Variants in IGF2BP3 observed in about 807,000 individuals in gnomAD.
IGF2BP3 encodes the protein insulin like growth factor 2 mRNA binding protein 3.
In IGF2BP3, 9 loss-of-function variants were observed where a neutral mutation model predicts 73.8. The ratio of observed to expected loss-of-function variants is 0.12; its 90% CI spans 0.07 to 0.21. IGF2BP3 has a LOEUF of 0.21. Among genes scored for constraint, IGF2BP3 ranks in the 10% least tolerant of loss-of-function variants. The pLI is 1.00. For missense variants in IGF2BP3, 542 were observed against 714.0 expected (o/e 0.76, Z 2.75); for synonymous variants, 258 against 256.7 (o/e 1.01, Z -0.05).
At chr7:23,459,363 T>C (rs796776766) in intron 2 of IGF2BP3, among the ~76,000 whole-genome samples, 5 of 152,358 alleles carry the variant, frequency 3.3e-5, no homozygotes, top group African/African-American at 1.2e-4. Context: ...AGATTTCTTC[T>C]ATTTCTTTTA....
At chr7:23,325,983 T>C (rs905418276) in intron 10 of IGF2BP3, among the ~76,000 whole-genome samples, 13 of 151,728 alleles carry the variant, frequency 8.6e-5, no homozygotes, top group Admixed American at 3.9e-4. Context: ...CCCTAGGCAT[T>C]ACCATTCAGG....
intron 11 of IGF2BP3, chr7:23,317,979 G>A (rs1383014735): frequency 2.0e-6 from 1 of 510,656 alleles, no homozygotes; most frequent in East Asian, 3.1e-5. Flanking sequence ...TGATGAAGTA[G>A]TATTACCTCC....
At chr7:23,452,844 T>C (rs867627842) in intron 2 of IGF2BP3, among the ~76,000 whole-genome samples, 33 of 148,320 alleles carry the variant, frequency 2.2e-4, no homozygotes, top group Non-Finnish European at 2.5e-4. Context: ...CTGGGCGCAG[T>C]GGCTCACACC....
In IGF2BP3 at chr7:23,313,760, T is replaced by TA. The variant is rs548951092; in HGVS notation, c.1396-108dup. The TA allele has an allele frequency of 1.1e-3, 1,065 of 974,856 alleles. 1 individual carries two copies. The highest frequency in any genetic ancestry group is 1.5e-3 in the Non-Finnish European group (1,003 of 661,988). The allele number at this position is 974,856 out of a possible 1,614,324, so 60.4% of individuals were successfully genotyped here. ...CAAGTGGGATAGCCCTTTGCAGTGA[T>TA]ACATCTACATTTCATAGATTGTTGA... On this transcript the variant is annotated intron_variant, in intron 12 of 14. Transcript: ENST00000258729.
At chr7:23,356,295 C>G (rs1785094430) in intron 5 of IGF2BP3, among the ~76,000 whole-genome samples, 1 of 152,100 alleles carries the variant, frequency 6.6e-6, no homozygotes, top group African/African-American at 2.4e-5. Flanking sequence ...CAGGAGCTCA[C>G]ACCTCTAATT....
chr7:23,449,079 C>T (rs578255698), intron 2 of IGF2BP3, among the ~76,000 whole-genome samples: 5 of 151,852 alleles, frequency 3.3e-5, no homozygotes, highest in African/African-American at 1.2e-4. Context: ...TAGAATTTGA[C>T]ATTTTTTCAT....
intron 2 of IGF2BP3, among the ~76,000 whole-genome samples, chr7:23,441,409 C>G (rs183281956): frequency 6.6e-6 from 1 of 151,846 alleles, no homozygotes; most frequent in Non-Finnish European, 1.5e-5. Flanking sequence ...CCCATCTCTA[C>G]TAAAAATACA....
intron 3 of IGF2BP3, among the ~76,000 whole-genome samples, chr7:23,397,517 T>C (rs1261645177): frequency 6.6e-6 from 1 of 152,168 alleles, no homozygotes; most frequent in African/African-American, 2.4e-5. Context: ...CCTTCTATCA[T>C]CTAACTAGCC....
At chr7:23,346,812 T>C (rs1022653460) in intron 7 of IGF2BP3, among the ~76,000 whole-genome samples, 9 of 152,064 alleles carry the variant, frequency 5.9e-5, no homozygotes, top group African/African-American at 1.4e-4. Context: ...AGGATGGTCT[T>C]GATCTCTTGA....
chr7:23,409,660 TG>T (rs1246077059), intron 3 of IGF2BP3, among the ~76,000 whole-genome samples: 2 of 152,224 alleles, frequency 1.3e-5, no homozygotes, highest in Admixed American at 6.5e-5. Flanking sequence ...TTTCAATTTT[TG>T]GTGTTAGAAT....
At chr7:23,319,284 G>T in intron 10 of IGF2BP3, 30 bp from the exon 11 acceptor site, 1 of 1,413,382 alleles carries the variant, frequency 7.1e-7, no homozygotes, top group African/African-American at 1.4e-5. Flanking sequence ...GGACACCCAT[G>T]TTTATTTGCT....
intron 3 of IGF2BP3, among the ~76,000 whole-genome samples, chr7:23,363,522 C>T (rs1785286028): frequency 1.3e-5 from 2 of 152,230 alleles, no homozygotes; most frequent in Non-Finnish European, 2.9e-5. Context: ...GCTGAGATTA[C>T]AGGCGTGACC....
intron 2 of IGF2BP3, among the ~76,000 whole-genome samples, chr7:23,441,251 G>A (rs1188434913): frequency 1.3e-5 from 2 of 152,028 alleles, no homozygotes; most frequent in African/African-American, 4.8e-5. Flanking sequence ...GGGCAATATA[G>A]TGAGATCACA....
chr7:23,413,078 T>G (rs1787079709), intron 3 of IGF2BP3, among the ~76,000 whole-genome samples: 1 of 150,932 alleles, frequency 6.6e-6, no homozygotes, highest in Admixed American at 6.6e-5. Context: ...CAGGCTGGTC[T>G]CGATCTCCTG....
At chr7:23,408,141 T>G (rs373864108) in intron 3 of IGF2BP3, among the ~76,000 whole-genome samples, 6 of 152,226 alleles carry the variant, frequency 3.9e-5, no homozygotes, top group Admixed American at 3.9e-4. Context: ...AACCCACAGC[T>G]AACATTTTAT....
intron 5 of IGF2BP3, among the ~76,000 whole-genome samples, chr7:23,353,195 GTC>G (rs1227518963): frequency 6.6e-6 from 1 of 152,148 alleles, no homozygotes; most frequent in Non-Finnish European, 1.5e-5. Context: ...GCATAAAATG[GTC>G]TCTTTCTAGT....
At chr7:23,312,909 CTT>C in intron 13 of IGF2BP3, 61 bp from the exon 14 acceptor site, 1 of 1,023,512 alleles carries the variant, frequency 9.8e-7, no homozygotes, top group Non-Finnish European at 1.5e-6. Flanking sequence ...TTCCTAAGCA[CTT>C]ACTGTGCGCC....
intron 3 of IGF2BP3, chr7:23,366,045 T>C (rs1258280302): frequency 6.6e-6 from 1 of 152,164 alleles, no homozygotes; most frequent in Admixed American, 6.5e-5. Flanking sequence ...TACATTAAAA[T>C]TTTCACTGCA....
At chr7:23,440,501 G>T (rs1418350165) in intron 2 of IGF2BP3, among the ~76,000 whole-genome samples, 2 of 152,196 alleles carry the variant, frequency 1.3e-5, no homozygotes, top group African/African-American at 2.4e-5. Context: ...TCTGTATAGG[G>T]TATTACACTT....
Sources: allele counts gnomAD v4.1 joint callset (sites outside exome capture counted in the v4.1 genomes callset), GRCh38; gene constraint gnomAD v4.1.1; transcripts MANE v1.5; gene names NCBI Gene and HGNC (gene_info 2026-07-23, HGNC 2026-07-21).